Variants in PHLPP1 observed in about 807,000 individuals in gnomAD.
PHLPP1 encodes the protein PH domain leucine-rich repeat-containing protein phosphatase 1.
PHLPP1 carries 42 observed loss-of-function variants against 117.2 expected under a neutral mutation model. The ratio of observed to expected loss-of-function variants is 0.36; its 90% CI spans 0.28 to 0.46. The LOEUF (loss-of-function observed/expected upper bound fraction) is 0.46, where lower values mean the gene tolerates loss of function less well. Ranked by LOEUF, PHLPP1 falls within the 20% of genes least tolerant of loss-of-function variation. The probability of loss-of-function intolerance (pLI) is 1.00; values close to 1 mark genes in which losing one functional copy is unlikely to be tolerated. For missense variants in PHLPP1, 2,084 were observed against 2,241.9 expected, an observed-to-expected ratio of 0.93 and a Z score of 1.42; for synonymous variants, 1,042 against 970.7, an observed-to-expected ratio of 1.07 and a Z score of -1.37.
At chr18:62,871,864 TGAA>T (rs1231276536) in intron 4 of PHLPP1, among the ~76,000 whole-genome samples, 1 of 151,076 alleles carries the variant, frequency 6.6e-6, no homozygotes, top group Non-Finnish European at 1.5e-5. Flanking sequence ...AGGCTGGTCT[TGAA>T]TTCCTCACCT....
intron 1 of PHLPP1, among the ~76,000 whole-genome samples, chr18:62,773,087 G>T (rs1013134453): frequency 2.8e-4 from 43 of 152,062 alleles, no homozygotes; most frequent in African/African-American, 9.4e-4. Flanking sequence ...GAAGCAACAG[G>T]AATGAAAAAG....
chr18:62,971,354 T>C (rs1033552927), intron 14 of PHLPP1, among the ~76,000 whole-genome samples: 1 of 151,634 alleles, frequency 6.6e-6, no homozygotes, highest in Non-Finnish European at 1.5e-5. Context: ...ACTAAGGTCC[T>C]GGCCTTATTT....
intron 6 of PHLPP1, among the ~76,000 whole-genome samples, chr18:62,900,311 A>G (rs1916678246): frequency 5.7e-5 from 1 of 17,508 alleles, no homozygotes; most frequent in Admixed American, 4.2e-4. Context: ...TAATAAATAA[A>G]TAAATAAATA....
intron 14 of PHLPP1, among the ~76,000 whole-genome samples, chr18:62,963,978 G>A (rs1910837439): frequency 6.6e-6 from 1 of 151,974 alleles, no homozygotes; most frequent in South Asian, 2.1e-4. Flanking sequence ...TTGCCACCAG[G>A]ACTTGCCCAT....
At chr18:62,892,082 C>CTTTTTTTTTTTT (rs200141250) in intron 4 of PHLPP1, among the ~76,000 whole-genome samples, 45 of 107,962 alleles carry the variant, frequency 4.2e-4, no homozygotes, top group African/African-American at 8.7e-4. Flanking sequence ...TTCTTTCTTT[C>CTTTTTTTTTTTT]TTTTTTTTTT....
chr18:62,919,972 A>G lies in PHLPP1; in HGVS notation c.2818A>G (p.Ser940Gly). Residue 940 changes from serine to glycine, a missense_variant, in exon 10 of 17, where the codon AGC becomes GGC. Ser to Gly is a moderately conservative substitution (Grantham distance 56, BLOSUM62 0). Around this residue, in one of 2 missense-constraint regions of PHLPP1, gnomAD observed 1,365 missense variants for 1,605.9 expected, o/e 0.85. Coordinates refer to ENST00000262719, the MANE Select transcript of PHLPP1 (RefSeq NM_194449.4). ...CELPARLFCN[S>G]SLRKLLAGHN... ...CTTTTTATACAGCTTATTTTGTAAT[A>G]GCAGTCTCCGGAAACTACTGGCAGG... The G allele has an allele frequency of 6.3e-7, 1 of 1,597,222 alleles. No homozygotes were observed. Among genetic ancestry groups the G allele is most frequent in the Non-Finnish European group, 8.5e-7 (1 of 1,170,842 alleles).
intron 1 of PHLPP1, among the ~76,000 whole-genome samples, chr18:62,825,166 C>T (rs1914577205): frequency 6.6e-6 from 1 of 151,610 alleles, no homozygotes; most frequent in African/African-American, 2.4e-5. Context: ...GCCATCTTGG[C>T]CAGGCTGGTC....
intron 10 of PHLPP1, among the ~76,000 whole-genome samples, chr18:62,920,853 G>T (rs781257406): frequency 7.2e-5 from 11 of 152,128 alleles, no homozygotes; most frequent in Non-Finnish European, 1.6e-4. Context: ...GAGCCACCAC[G>T]CCTAGGACTT....
At chr18:62,859,480 A>G (rs190892808) in intron 3 of PHLPP1, among the ~76,000 whole-genome samples, 1 of 152,328 alleles carries the variant, frequency 6.6e-6, no homozygotes, top group Admixed American at 6.5e-5. Flanking sequence ...ACATGAAGCA[A>G]AGCACAATGA....
At chr18:62,838,627 G>T in intron 2 of PHLPP1, 157 bp from the exon 3 acceptor site, 1 of 587,534 alleles carries the variant, frequency 1.7e-6, no homozygotes, top group South Asian at 3.1e-5. Context: ...TTCAAATTGG[G>T]TGATCATATG....
chr18:62,719,720 C>T (rs567470485), intron 1 of PHLPP1, among the ~76,000 whole-genome samples: 9 of 152,124 alleles, frequency 5.9e-5, no homozygotes, highest in South Asian at 4.1e-4. Flanking sequence ...GTTTTGTTTA[C>T]GTATAGTTGG....
rs558376556 is a variant in PHLPP1 at position 62,801,830 on chromosome 18, T to G, written c.1577-28205T>G. 7.9e-5 allele frequency among the ~76,000 whole-genome samples: 12 copies of G among 152,352 alleles called. No homozygotes were observed. The South Asian group carries it at 2.5e-3, about 32-fold the overall frequency. On this transcript the variant is annotated intron_variant, in intron 1 of 16. Transcript: ENST00000262719. ...TTTACCTTCTGTCTCTTCAGCATTT[T>G]AACACATTTTCTTACCTATGTCTTG... is the stretch of plus-strand genomic sequence containing the variant.
At chr18:62,804,821 T>A (rs1913891209) in intron 1 of PHLPP1, among the ~76,000 whole-genome samples, 1 of 148,542 alleles carries the variant, frequency 6.7e-6, no homozygotes, top group Admixed American at 6.7e-5. Flanking sequence ...TAATATACAC[T>A]GTATATATTA....
chr18:62,753,131 G>T (rs564485028), intron 1 of PHLPP1, among the ~76,000 whole-genome samples: 1 of 152,340 alleles, frequency 6.6e-6, no homozygotes, highest in South Asian at 2.1e-4. Flanking sequence ...TGCATTGAGA[G>T]AAATAGTGCA....
chr18:62,745,555 G>T (rs190626323), intron 1 of PHLPP1, among the ~76,000 whole-genome samples: 1 of 152,164 alleles, frequency 6.6e-6, no homozygotes, highest in Non-Finnish European at 1.5e-5. Flanking sequence ...GAGCATGTGG[G>T]TGCCTTCACA....
At chr18:62,731,630 A>C (rs1359416472) in intron 1 of PHLPP1, among the ~76,000 whole-genome samples, 1 of 152,234 alleles carries the variant, frequency 6.6e-6, no homozygotes, top group Non-Finnish European at 1.5e-5. Context: ...TCAAAAGCTG[A>C]ATATGATTAA....
intron 3 of PHLPP1, among the ~76,000 whole-genome samples, chr18:62,856,821 TC>T (rs755875620): frequency 3.9e-5 from 6 of 152,140 alleles, no homozygotes; most frequent in Non-Finnish European, 8.8e-5. Context: ...TGCCAACTTC[TC>T]CGGTTTTTCC....
intron 4 of PHLPP1, among the ~76,000 whole-genome samples, chr18:62,862,403 G>A (rs931867936): frequency 1.3e-5 from 2 of 152,106 alleles, no homozygotes; most frequent in Admixed American, 6.6e-5. Flanking sequence ...GATCTTATCA[G>A]TAAAGTCTTT....
intron 10 of PHLPP1, among the ~76,000 whole-genome samples, chr18:62,939,408 A>G (rs563030925): frequency 1.3e-5 from 2 of 152,340 alleles, no homozygotes; most frequent in South Asian, 4.1e-4. Flanking sequence ...ATGCTACACT[A>G]AAGAAATTCT....
Sources: allele counts gnomAD v4.1 joint callset (sites outside exome capture counted in the v4.1 genomes callset), GRCh38; gene constraint gnomAD v4.1.1; regional missense constraint gnomAD v4.1.1; transcripts MANE v1.5; gene names NCBI Gene and HGNC (gene_info 2026-07-23, HGNC 2026-07-21).